CIT: variants seen among roughly 807,000 people sequenced by gnomAD.
The protein encoded by CIT is citron Rho-interacting kinase.
Under a neutral mutation model 272.7 loss-of-function variants are expected in CIT, and 79 were observed. The ratio of observed to expected loss-of-function variants is 0.29; its 90% CI spans 0.24 to 0.35. The LOEUF (loss-of-function observed/expected upper bound fraction) is 0.35, where lower values mean the gene tolerates loss of function less well. CIT is among the 10% of genes least tolerant of loss of function. The pLI is 1.00. For missense variants in CIT, 1,909 were observed against 2,618.3 expected, an observed-to-expected ratio of 0.73 and a Z score of 5.91; for synonymous variants, 948 against 995.6, an observed-to-expected ratio of 0.95 and a Z score of 0.90.
Position 119,770,926 on chromosome 12 carries a change from C to A in CIT, c.2083-16G>T. The A allele has an allele frequency of 6.2e-7, 1 of 1,612,354 alleles. No homozygotes were observed. Among genetic ancestry groups the A allele is most frequent in the South Asian group, 1.1e-5 (1 of 90,944 alleles). ...GGCGGCGTTCCTGTAGATCATGAAT[C>A]AATCAGAGAGTTTTAATGGAGTAAC... On this transcript the variant is annotated splice_polypyrimidine_tract_variant and intron_variant, in intron 17 of 47. Coordinates refer to ENST00000392521, the MANE Select transcript of CIT (RefSeq NM_001206999.2). The surrounding 1 kb of genome is among the most constrained non-coding windows in gnomAD (Gnocchi z 4.4).
At chr12:119,776,155 C>T (rs1679790280) in intron 15 of CIT, among the ~76,000 whole-genome samples, 2 of 152,130 alleles carry the variant, frequency 1.3e-5, no homozygotes, top group South Asian at 4.2e-4. Context: ...GCAGGTGTGA[C>T]AAAAATGAGC....
At chr12:119,689,695 T>TTTTTTTTTTTTTTTTG (rs1555213865) in intron 47 of CIT, among the ~76,000 whole-genome samples, 1 of 142,202 alleles carries the variant, frequency 7.0e-6, no homozygotes, top group African/African-American at 2.7e-5. Context: ...TTTTTTTTTT[T>TTTTTTTTTTTTTTTTG]AAGACAGAGT....
chr12:119,800,748 G>A (rs1395889937), intron 10 of CIT, among the ~76,000 whole-genome samples: 1 of 152,226 alleles, frequency 6.6e-6, no homozygotes, highest in Non-Finnish European at 1.5e-5. Flanking sequence ...GGCAGCAAAG[G>A]TGGTACCCCC....
rs750370833 is a variant in CIT at position 119,767,221 on chromosome 12, C to T, written c.2209-39G>A. 5 of 1,473,740 alleles carry T rather than the reference C, an allele frequency of 3.4e-6. No homozygotes were observed. In the African/African-American group the frequency reaches 7.0e-5, roughly 21 times the overall value. The allele number at this position is 1,473,740 out of a possible 1,614,324, so 91.3% of individuals were successfully genotyped here. On this transcript the variant is annotated intron_variant, in intron 18 of 47. Transcript: ENST00000392521. ...AAAAGACAGTCAGGTGTGCAGAGGG[C>T]AGGACACCGCCAATGCACGTTAGAC...
intron 3 of CIT, among the ~76,000 whole-genome samples, chr12:119,862,842 A>ATT (rs1950394085): frequency 8.3e-6 from 1 of 120,144 alleles, no homozygotes; most frequent in African/African-American, 3.9e-5. Flanking sequence ...AAAAAAAAAG[A>ATT]AAAAACCAAA....
In CIT at chr12:119,784,727, T is replaced by C; in HGVS notation, c.1401+233A>G. On this transcript the variant is annotated intron_variant, in intron 11 of 47. Coordinates refer to ENST00000392521, the MANE Select transcript of CIT (RefSeq NM_001206999.2). This position sits in a 1 kb window ranked among gnomAD's most constrained non-coding sequence, Gnocchi z 4.7. ...GGCTGGGTCATGCTGAGAAACGGAC[T>C]GTTTAAATCCAGGGCCTCCTCTGGT... The C allele has an allele frequency of 2.9e-6, 4 of 1,371,864 alleles. No individual in the cohort carries two copies. The highest frequency in any genetic ancestry group is 3.8e-6 in the Non-Finnish European group (4 of 1,065,576). The allele number at this position is 1,371,864 out of a possible 1,614,324, so 85.0% of individuals were successfully genotyped here.
chr12:119,815,283 T>C (rs984915709), intron 9 of CIT, among the ~76,000 whole-genome samples: 7 of 150,442 alleles, frequency 4.7e-5, no homozygotes, highest in African/African-American at 1.7e-4. Flanking sequence ...AGAAGAGCAC[T>C]GCTTATCAGA....
intron 19 of CIT, among the ~76,000 whole-genome samples, chr12:119,762,807 C>T (rs139868417): frequency 3.5e-4 from 53 of 152,200 alleles, no homozygotes; most frequent in Middle Eastern, 3.4e-3. Flanking sequence ...GAGGCTGACA[C>T]GGGTGGAGAT....
chr12:119,706,247 T>C (rs534213208), intron 40 of CIT, among the ~76,000 whole-genome samples: 1 of 152,158 alleles, frequency 6.6e-6, no homozygotes, highest in African/African-American at 2.4e-5. Context: ...AAGTTATACA[T>C]GTACATGTAT....
chr12:119,742,510 C>G, intron 23 of CIT, 46 bp from the exon 24 acceptor site: 10 of 1,409,460 alleles, frequency 7.1e-6, no homozygotes, highest in East Asian at 2.3e-5. Context: ...GGGTAGAATA[C>G]AATTCTACAT....
intron 6 of CIT, among the ~76,000 whole-genome samples, chr12:119,833,156 G>A (rs539567607): frequency 1.3e-5 from 2 of 152,230 alleles, no homozygotes; most frequent in African/African-American, 4.8e-5. Context: ...TTATTCAATG[G>A]ATTATTTCTC....
intron 10 of CIT, among the ~76,000 whole-genome samples, chr12:119,798,275 A>C (rs1409772832): frequency 6.6e-6 from 1 of 152,094 alleles, no homozygotes; most frequent in African/African-American, 2.4e-5. Flanking sequence ...CTCTACAAAT[A>C]GCTTCCACTT....
intron 5 of CIT, among the ~76,000 whole-genome samples, chr12:119,835,411 C>G (rs1044962056): frequency 9.9e-5 from 15 of 152,186 alleles, no homozygotes; most frequent in Non-Finnish European, 1.8e-4. Context: ...TTCTTCCCCC[C>G]CACTTTACTG....
intron 24 of CIT, among the ~76,000 whole-genome samples, chr12:119,740,351 G>A (rs1958996950): frequency 6.6e-6 from 1 of 152,120 alleles, no homozygotes; most frequent in African/African-American, 2.4e-5. Flanking sequence ...GGGGTATAAG[G>A]AAACTTTTGA....
rs556475917 is a variant in CIT, at chr12:119,822,128, C to T, written c.1111+692G>A. ...CCTACTGGCTCTAATCCGTGCTGAT[C>T]ATTCAGTAGAACACATTCAATCAAC... On this transcript the variant is annotated intron_variant, in intron 9 of 47. Transcript: ENST00000392521. 2.0e-5 allele frequency among the ~76,000 whole-genome samples: 3 copies of T among 152,308 alleles called. No homozygotes were observed. In the South Asian group the frequency reaches 6.2e-4, roughly 32 times the overall value.
At chr12:119,727,146 CACTT>C (rs945940713) in intron 28 of CIT, among the ~76,000 whole-genome samples, 3 of 152,178 alleles carry the variant, frequency 2.0e-5, no homozygotes, top group African/African-American at 7.2e-5. Context: ...ATTTGGCACA[CACTT>C]ACTATGTGCT....
chr12:119,777,671 A>T (rs1362767165), intron 13 of CIT, among the ~76,000 whole-genome samples: 1 of 111,180 alleles, frequency 9.0e-6, no homozygotes, highest in Non-Finnish European at 2.0e-5. Flanking sequence ...CTCCGTCTCA[A>T]AAAAACAAAA....
intron 7 of CIT, among the ~76,000 whole-genome samples, chr12:119,827,552 C>T (rs907704800): frequency 6.6e-6 from 1 of 151,994 alleles, no homozygotes; most frequent in African/African-American, 2.4e-5. Flanking sequence ...ATTCTCTTGC[C>T]TCAGCCTCTC....
At position 119,718,228 on chromosome 12, in the gene CIT, A is replaced by G; in HGVS notation, c.4168+17T>C. The G allele has an allele frequency of 2.5e-6, 4 of 1,592,358 alleles. No homozygotes were observed. The highest frequency in any genetic ancestry group is 3.4e-6 in the Non-Finnish European group (4 of 1,167,656). On this transcript the variant is annotated intron_variant, in intron 32 of 47. Coordinates refer to ENST00000392521, the MANE Select transcript of CIT (RefSeq NM_001206999.2). This position sits in a 1 kb window ranked among gnomAD's most constrained non-coding sequence, Gnocchi z 4.8. ...TCTTAGTCGACTAAAAGAAATTTCC[A>G]TACAACTCCAACGTACCCTCTGGAG...
Sources: allele counts gnomAD v4.1 joint callset (sites outside exome capture counted in the v4.1 genomes callset), GRCh38; gene constraint gnomAD v4.1.1; non-coding constraint Gnocchi (gnomAD v3.1); transcripts MANE v1.5; gene names NCBI Gene and HGNC (gene_info 2026-07-23, HGNC 2026-07-21).